Variants in LMO1 observed in about 807,000 individuals in gnomAD.
The protein encoded by LMO1 is LIM domain only 1.
A neutral mutation model predicts 18.0 loss-of-function variants in LMO1; 10 were observed. That is an observed-to-expected ratio of 0.55 (90% CI 0.34 to 0.94). LMO1 has a LOEUF of 0.94. LMO1 is among the 40% of genes least tolerant of loss of function. LMO1 has a pLI of 0.02. For missense variants in LMO1, 183 were observed against 205.7 expected (o/e 0.89, Z 0.68); for synonymous variants, 77 against 77.9 (o/e 0.99, Z 0.06).
At chr11:8,226,255 G>A (rs1952539087) in intron 3 of LMO1, among the ~76,000 whole-genome samples, 2 of 152,194 alleles carry the variant, frequency 1.3e-5, no homozygotes, top group Admixed American at 6.5e-5. Flanking sequence ...AGCAATCTGG[G>A]AGGCTGAGGT....
chr11:8,227,952 A>G (rs1952578465), intron 2 of LMO1, among the ~76,000 whole-genome samples: 1 of 152,244 alleles, frequency 6.6e-6, no homozygotes, highest in Non-Finnish European at 1.5e-5. Context: ...TACAGGTGTG[A>G]GCCACTGTGC....
chr11:8,263,555 G>T lies in LMO1; in HGVS notation c.-193C>A, dbSNP rs1055435614. 9.4e-5 allele frequency: 128 copies of T among 1,364,950 alleles called. No homozygotes were observed. Among genetic ancestry groups the T allele is most frequent in the Admixed American group, 2.1e-4 (6 of 29,064 alleles). 84.6% of individuals were successfully genotyped at this position (1,364,950 alleles called of 1,614,324 possible). On this transcript the variant is annotated 5_prime_UTR_variant, in exon 1 of 4. In the 5' UTR this introduces an upstream ATG that the reference lacks. Coordinates refer to ENST00000335790, the MANE Select transcript of LMO1 (RefSeq NM_002315.3). ...GAAGCACTTCGCAGATACAAAAGCA[G>T]TCTCACCTACTTTTGTGCCTCAGAA...
In LMO1 at chr11:8,252,675, C is replaced by T. The variant is rs1007001986; in HGVS notation, c.25+10663G>A. Among the ~76,000 whole-genome samples, 4 of 152,252 alleles carry T rather than the reference C, an allele frequency of 2.6e-5. No individual in the cohort carries two copies. The East Asian group carries it at 5.8e-4, about 22-fold the overall frequency. The stretch of plus-strand genomic sequence containing the variant: ...GGCATGGCCACCATGGCCAGCAAGG[C>T]GTGGAGGCCCTCAGTCCAGCAGCCC... On this transcript the variant is annotated intron_variant, in intron 1 of 3. Transcript: ENST00000335790.
intron 3 of LMO1, among the ~76,000 whole-genome samples, chr11:8,225,238 C>T (rs1952513223): frequency 6.6e-6 from 1 of 151,336 alleles, no homozygotes; most frequent in South Asian, 2.1e-4. Flanking sequence ...GTGGTGAAAC[C>T]CCATCTCTAC....
At chr11:8,259,916 C>A (rs1271844547) in intron 1 of LMO1, among the ~76,000 whole-genome samples, 2 of 152,182 alleles carry the variant, frequency 1.3e-5, no homozygotes, top group Non-Finnish European at 2.9e-5. Context: ...GGCATTTTTA[C>A]TTATTAAAAA....
chr11:8,261,815 G>C (rs7935999), intron 1 of LMO1, among the ~76,000 whole-genome samples: 1 of 152,028 alleles, frequency 6.6e-6, no homozygotes, highest in African/African-American at 2.4e-5. Flanking sequence ...GAAGTTCTCC[G>C]ATGGCCTACA....
intron 1 of LMO1, among the ~76,000 whole-genome samples, chr11:8,252,225 C>T (rs1847014293): frequency 6.6e-6 from 1 of 152,174 alleles, no homozygotes; most frequent in African/African-American, 2.4e-5. Context: ...CAACCTAGTC[C>T]TCTGCAAAAT....
chr11:8,260,978 G>A (rs1178230356), intron 1 of LMO1, among the ~76,000 whole-genome samples: 1 of 152,170 alleles, frequency 6.6e-6, no homozygotes, highest in Non-Finnish European at 1.5e-5. Context: ...GTTTGGAGGA[G>A]CAGATGAGTG....
intron 2 of LMO1, among the ~76,000 whole-genome samples, chr11:8,229,391 G>A (rs1418142236): frequency 1.3e-5 from 2 of 152,294 alleles, no homozygotes; most frequent in Non-Finnish European, 2.9e-5. Context: ...CCAGACCTGG[G>A]CAGAGGGAGC....
At chr11:8,236,474 G>A (rs1952762235) in intron 1 of LMO1, among the ~76,000 whole-genome samples, 1 of 151,870 alleles carries the variant, frequency 6.6e-6, no homozygotes, top group Non-Finnish European at 1.5e-5. Flanking sequence ...CCAAAGTGCT[G>A]GGGTTAGTAG....
chr11:8,243,036 C>T (rs927211596), intron 1 of LMO1, among the ~76,000 whole-genome samples: 6 of 152,216 alleles, frequency 3.9e-5, no homozygotes, highest in African/African-American at 2.4e-5. Context: ...CTGCTAGCCA[C>T]GGGGCTGGGT....
chr11:8,258,860 CACTG>C (rs1328132257), intron 1 of LMO1, among the ~76,000 whole-genome samples: 1 of 152,220 alleles, frequency 6.6e-6, no homozygotes, highest in Non-Finnish European at 1.5e-5. Context: ...GTCATGCCAG[CACTG>C]AGCCCCGGCA....
At chr11:8,251,625 G>GA (rs1367495905) in intron 1 of LMO1, among the ~76,000 whole-genome samples, 2 of 152,110 alleles carry the variant, frequency 1.3e-5, no homozygotes, top group Non-Finnish European at 2.9e-5. Flanking sequence ...CCATCTGTGA[G>GA]AAAAAAATCC....
In LMO1 at chr11:8,224,335, C is replaced by A; in HGVS notation, c.*281G>T. On this transcript the variant is annotated 3_prime_UTR_variant, in exon 4 of 4. Transcript: ENST00000335790. Reference sequence around the variant, plus strand: ...CCCGGAAACATTCATAAGTTTAATCCACGCCAGTAATAAAATCGCATTACA... The same window carrying A: ...CCCGGAAACATTCATAAGTTTAATCAACGCCAGTAATAAAATCGCATTACA... 1 of 445,436 alleles carries A rather than the reference C, an allele frequency of 2.2e-6. No homozygotes were observed. Among genetic ancestry groups the A allele is most frequent in the Non-Finnish European group, 4.1e-6 (1 of 244,704 alleles). The allele number at this position is 445,436 out of a possible 1,614,324, so 27.6% of individuals were successfully genotyped here.
chr11:8,253,165 G>A (rs930082554), intron 1 of LMO1, among the ~76,000 whole-genome samples: 1 of 152,198 alleles, frequency 6.6e-6, no homozygotes, highest in Non-Finnish European at 1.5e-5. Context: ...GGCAGACGAG[G>A]AAAGTGGGAG....
At chr11:8,258,480 G>A (rs1377818117) in intron 1 of LMO1, among the ~76,000 whole-genome samples, 1 of 152,218 alleles carries the variant, frequency 6.6e-6, no homozygotes, top group East Asian at 1.9e-4. Context: ...TTCGCCCTGG[G>A]CCATGGCTGA....
chr11:8,258,547 A>C (rs1847135457), intron 1 of LMO1, among the ~76,000 whole-genome samples: 1 of 152,196 alleles, frequency 6.6e-6, no homozygotes, highest in Admixed American at 6.5e-5. Flanking sequence ...GCTCACTGGC[A>C]ATCATCCATC....
At chr11:8,240,528 C>T (rs1300392922) in intron 1 of LMO1, among the ~76,000 whole-genome samples, 1 of 152,166 alleles carries the variant, frequency 6.6e-6, no homozygotes, top group Admixed American at 6.5e-5. Context: ...ATTTATTTCT[C>T]ACAGTTCTGG....
At chr11:8,264,520 C>T (rs1847241481), upstream of LMO1, among the ~76,000 whole-genome samples, 1 of 152,346 alleles carries the variant, frequency 6.6e-6, no homozygotes, top group East Asian at 1.9e-4. Flanking sequence ...GTGCCCATCT[C>T]TTCTCCTGGA....
Sources: allele counts gnomAD v4.1 joint callset (sites outside exome capture counted in the v4.1 genomes callset), GRCh38; gene constraint gnomAD v4.1.1; transcripts MANE v1.5; gene names NCBI Gene and HGNC (gene_info 2026-07-23, HGNC 2026-07-21).